Variants in FBN1 observed in about 807,000 individuals in gnomAD.
FBN1 encodes the protein fibrillin-1.
A neutral mutation model predicts 365.1 loss-of-function variants in FBN1; 29 were observed. The observed-to-expected ratio is 0.08, with a 90% confidence interval of 0.06 to 0.11. The LOEUF is 0.11. FBN1 is among the 10% of genes least tolerant of loss of function. The pLI is 1.00. For synonymous variants in FBN1, 1,210 were observed against 1,270.5 expected, an observed-to-expected ratio of 0.95 and a Z score of 1.01; for missense variants, 2,476 against 3,703.2, an observed-to-expected ratio of 0.67 and a Z score of 8.60.
intron 43 of FBN1, among the ~76,000 whole-genome samples, chr15:48,459,153 C>T (rs1260780831): frequency 6.6e-6 from 1 of 152,210 alleles, no homozygotes. Context: ...TTGCTTACTG[C>T]CAAACTTGGA....
chr15:48,526,618 CCTA>C (rs1263117487), intron 8 of FBN1, among the ~76,000 whole-genome samples: 6 of 152,142 alleles, frequency 3.9e-5, no homozygotes, highest in Admixed American at 2.6e-4. Context: ...GTTAAACTCT[CCTA>C]CTAATTATTT....
chr15:48,551,824 C>A (rs749882730), intron 6 of FBN1, among the ~76,000 whole-genome samples: 8 of 152,156 alleles, frequency 5.3e-5, no homozygotes, highest in Non-Finnish European at 7.3e-5. Flanking sequence ...CTAGCTCTAT[C>A]CATGTCCTTG....
intron 44 of FBN1, among the ~76,000 whole-genome samples, chr15:48,455,531 T>C (rs766896383): frequency 3.3e-4 from 50 of 152,328 alleles, no homozygotes; most frequent in Admixed American, 3.9e-4. Context: ...CAGCCAACTC[T>C]AGCACTGTAA....
intron 11 of FBN1, among the ~76,000 whole-genome samples, chr15:48,515,833 TA>T: frequency 6.6e-6 from 1 of 152,190 alleles, no homozygotes. Context: ...GAACTACTTA[TA>T]AAACTGCCTT....
chr15:48,484,605 A>C (rs1346667200), intron 30 of FBN1, among the ~76,000 whole-genome samples: 1 of 152,224 alleles, frequency 6.6e-6, no homozygotes, highest in African/African-American at 2.4e-5. Context: ...TCCTGAACTC[A>C]GGTGATCTGC....
intron 6 of FBN1, among the ~76,000 whole-genome samples, chr15:48,545,935 G>A (rs2044090280): frequency 6.6e-6 from 1 of 152,056 alleles, no homozygotes; most frequent in South Asian, 2.1e-4. Flanking sequence ...TGAGGTGTGA[G>A]GATCGCTTGC....
chr15:48,578,629 G>C (rs1451961022), intron 6 of FBN1, among the ~76,000 whole-genome samples: 1 of 151,862 alleles, frequency 6.6e-6, no homozygotes, highest in African/African-American at 2.4e-5. Flanking sequence ...ATGATAGACT[G>C]AATTAAGAAA....
intron 10 of FBN1, 136 bp downstream of exon 10, chr15:48,520,523 C>G: frequency 9.8e-7 from 1 of 1,021,678 alleles, no homozygotes. Flanking sequence ...GGGAAATTTC[C>G]CTGGACGTCA....
chr15:48,509,556 C>CATATAT (rs1458807210), intron 14 of FBN1, among the ~76,000 whole-genome samples: 10 of 147,262 alleles, frequency 6.8e-5, no homozygotes, highest in African/African-American at 2.2e-4. Context: ...TTCAGAAATA[C>CATATAT]ATATATACAT....
At position 48,412,704 on chromosome 15, in the gene FBN1, T is replaced by C; in HGVS notation, c.8091A>G (p.Pro2697=). 2 of 1,614,264 alleles carry C rather than the reference T, an allele frequency of 1.2e-6. No homozygotes were observed. Among genetic ancestry groups the C allele is most frequent in the Non-Finnish European group, 8.5e-7 (1 of 1,180,032 alleles). Residue 2697 remains proline (P), a synonymous_variant, in exon 65 of 66, where the codon CCA becomes CCG. Coordinates refer to ENST00000316623, the MANE Select transcript of FBN1 (RefSeq NM_000138.5). ...VSGMGMGRGN[P]EPPVSGEMDD... ...CCATTTCACCACTGACAGGTGGCTC[T>C]GGGTTTCCTCGGCCCATGCCCATTC...
chr15:48,575,843 A>ACC (rs1449196256), intron 6 of FBN1, among the ~76,000 whole-genome samples: 2 of 145,590 alleles, frequency 1.4e-5, no homozygotes, highest in African/African-American at 5.1e-5. Flanking sequence ...ACACACACAC[A>ACC]CCATGGAATA....
chr15:48,495,274 A>G lies in FBN1; in HGVS notation c.2540-14T>C. ...CCTTGATGGTTTCTGCAGAGGAGGG[A>G]ATAATATTTAATAGAATCTATATAA... On this transcript the variant is annotated splice_polypyrimidine_tract_variant and intron_variant, in intron 21 of 65. Transcript: ENST00000316623. The G allele has an allele frequency of 6.2e-7, 1 of 1,613,186 alleles. No homozygotes were observed. Among genetic ancestry groups the G allele is most frequent in the Non-Finnish European group, 8.5e-7 (1 of 1,179,552 alleles).
chr15:48,437,147 TCAG>T, intron 52 of FBN1, 70 bp from the exon 53 acceptor site: 1 of 1,233,168 alleles, frequency 8.1e-7, no homozygotes, highest in Non-Finnish European at 1.2e-6. Flanking sequence ...TATGATCATT[TCAG>T]TGTTTAATCA....
chr15:48,483,290 G>A (rs1036710717), intron 31 of FBN1, among the ~76,000 whole-genome samples: 1 of 152,088 alleles, frequency 6.6e-6, no homozygotes, highest in Non-Finnish European at 1.5e-5. Flanking sequence ...CAGAATATAT[G>A]AAAAAATACC....
chr15:48,468,384 C>T, intron 37 of FBN1, 28 bp downstream of exon 37: 1 of 1,613,490 alleles, frequency 6.2e-7, no homozygotes, highest in Non-Finnish European at 8.5e-7. Context: ...AGTATGCTTG[C>T]TTCTCTGAAA....
Position 48,457,219 on chromosome 15 carries a change from C to T in FBN1, c.5297-457G>A, listed in dbSNP as rs143895537. ...CAAATTCCAGTTTAACTCCCCCTTCCTACTTCATGTGGCTTTAGAAAGGAG... is the reference window on the plus strand; with the variant it reads ...CAAATTCCAGTTTAACTCCCCCTTCTTACTTCATGTGGCTTTAGAAAGGAG... On this transcript the variant is annotated intron_variant, in intron 43 of 65. Transcript: ENST00000316623. Among the ~76,000 whole-genome samples, 644 of 152,218 alleles carry T rather than the reference C, an allele frequency of 4.2e-3. 5 individuals are homozygous for T. Among genetic ancestry groups the T allele is most frequent in the Non-Finnish European group, 6.8e-3 (463 of 67,994 alleles).
chr15:48,517,985 T>C (rs2141333045), intron 10 of FBN1, among the ~76,000 whole-genome samples: 1 of 152,350 alleles, frequency 6.6e-6, no homozygotes, highest in South Asian at 2.1e-4. Context: ...CTGTTGGTAC[T>C]TTCTGGTCCA....
chr15:48,611,322 G>A (rs185998343), intron 3 of FBN1, among the ~76,000 whole-genome samples: 50 of 152,118 alleles, frequency 3.3e-4, no homozygotes, highest in African/African-American at 9.6e-4. Flanking sequence ...GTGCAGTGGC[G>A]CAATCTCTGC....
chr15:48,470,839 G>A, intron 35 of FBN1, 83 bp from the exon 36 acceptor site: 1 of 1,450,970 alleles, frequency 6.9e-7, no homozygotes. Context: ...GGCAACTAAT[G>A]TAAATACTAA....
Sources: gnomAD v4.1 joint callset for allele counts (sites outside exome capture counted in the v4.1 genomes callset) on GRCh38, gnomAD v4.1.1 for gene constraint, MANE v1.5 for transcripts, NCBI Gene and HGNC (gene_info 2026-07-23, HGNC 2026-07-21) for gene names.